Variants in SMIM14 observed in about 807,000 individuals in gnomAD.
SMIM14 encodes the protein chromosome 4 open reading frame 34.
Under a neutral mutation model 12.6 loss-of-function variants are expected in SMIM14, and 5 were observed. The ratio of observed to expected loss-of-function variants is 0.40; its 90% CI spans 0.21 to 0.83. SMIM14 has a LOEUF of 0.83. SMIM14 is among the 40% of genes least tolerant of loss of function. SMIM14 has a pLI of 0.37. For missense variants in SMIM14, 86 were observed against 119.1 expected, an observed-to-expected ratio of 0.72 and a Z score of 1.29; for synonymous variants, 30 against 40.1, an observed-to-expected ratio of 0.75 and a Z score of 0.95.
At chr4:39,552,510 C>A (rs1002480209) in intron 4 of SMIM14, among the ~76,000 whole-genome samples, 5 of 152,276 alleles carry the variant, frequency 3.3e-5, no homozygotes, top group Non-Finnish European at 5.9e-5. Flanking sequence ...ATATCTTCAT[C>A]CCTCTTGCTA....
intron 3 of SMIM14, among the ~76,000 whole-genome samples, chr4:39,566,965 C>G (rs1359412449): frequency 6.7e-6 from 1 of 148,618 alleles, no homozygotes; most frequent in African/African-American, 2.5e-5. Flanking sequence ...GACTCCATCT[C>G]AAAAAAAACA....
At chr4:39,627,998 G>A (rs1478642435) in intron 1 of SMIM14, among the ~76,000 whole-genome samples, 1 of 152,176 alleles carries the variant, frequency 6.6e-6, no homozygotes, top group Non-Finnish European at 1.5e-5. Flanking sequence ...CTGTGTCATG[G>A]AGAGAAAATT....
chr4:39,584,519 G>A (rs1409530853), intron 2 of SMIM14, among the ~76,000 whole-genome samples: 1 of 89,640 alleles, frequency 1.1e-5, no homozygotes, highest in Non-Finnish European at 2.9e-5. Context: ...AAACAGGCTG[G>A]GCGCAGTGGC....
chr4:39,584,488 A>AAAAAAAAAAAAAAAAAAAAAAAAAAAC, intron 2 of SMIM14, among the ~76,000 whole-genome samples: 1 of 133,648 alleles, frequency 7.5e-6, no homozygotes, highest in Non-Finnish European at 1.6e-5. Context: ...TCTCAAAAAA[A>AAAAAAAAAAAAAAAAAAAAAAAAAAAC]AAAAAAAAAA....
intron 2 of SMIM14, among the ~76,000 whole-genome samples, chr4:39,597,601 A>G (rs1454919862): frequency 1.3e-5 from 2 of 151,728 alleles, no homozygotes; most frequent in Non-Finnish European, 2.9e-5. Flanking sequence ...CTGCCACCAC[A>G]CCCAGCTAAT....
intron 2 of SMIM14, among the ~76,000 whole-genome samples, chr4:39,578,010 T>C (rs1713292890): frequency 6.6e-6 from 1 of 152,214 alleles, no homozygotes; most frequent in African/African-American, 2.4e-5. Context: ...CTTAAGGTTT[T>C]TGGCAAAGCA....
At chr4:39,619,901 A>T (rs1715417392) in intron 1 of SMIM14, among the ~76,000 whole-genome samples, 1 of 141,364 alleles carries the variant, frequency 7.1e-6, no homozygotes, top group Admixed American at 7.4e-5. Context: ...AGAGCAAGAT[A>T]GGGACTCACG....
chr4:39,584,793 CAAAAAA>C (rs34970724), intron 2 of SMIM14, among the ~76,000 whole-genome samples: 8 of 76,296 alleles, frequency 1.0e-4, no homozygotes, highest in Middle Eastern at 7.9e-3. Context: ...AGGACCTTGT[CAAAAAA>C]AAAAAAAAAA....
chr4:39,566,888 A>C (rs1712600206), intron 3 of SMIM14, among the ~76,000 whole-genome samples: 1 of 151,906 alleles, frequency 6.6e-6, no homozygotes, highest in Admixed American at 6.6e-5. Flanking sequence ...AATCGCTTGA[A>C]CCTGCGAGGT....
chr4:39,556,106 T>G (rs886614972), intron 4 of SMIM14, among the ~76,000 whole-genome samples: 7 of 150,182 alleles, frequency 4.7e-5, no homozygotes, highest in African/African-American at 1.7e-4. Context: ...GAGGCTTCAG[T>G]GAGCTAAGAT....
intron 2 of SMIM14, among the ~76,000 whole-genome samples, chr4:39,584,205 G>C (rs1321251497): frequency 3.3e-5 from 5 of 151,818 alleles, no homozygotes; most frequent in Non-Finnish European, 5.9e-5. Flanking sequence ...ATTTGGACTA[G>C]GCACAGTGGC....
rs1018233536 is a variant in SMIM14, at chr4:39,606,416, G to A, written c.-35-1236C>T. On this transcript the variant is annotated intron_variant, in intron 1 of 4. Coordinates refer to ENST00000295958, the MANE Select transcript of SMIM14 (RefSeq NM_174921.3). Reference sequence around the variant, plus strand: ...CCAGCACTTTGGGAGGCCGAGGTGGGTGGATCACAAGGTCAGGAGATAGAG... The same window carrying A: ...CCAGCACTTTGGGAGGCCGAGGTGGATGGATCACAAGGTCAGGAGATAGAG... Among the ~76,000 whole-genome samples, 6 of 152,130 alleles carry A rather than the reference G, an allele frequency of 3.9e-5. No individual in the cohort carries two copies. The East Asian group carries it at 1.2e-3, about 29-fold the overall frequency.
intron 2 of SMIM14, among the ~76,000 whole-genome samples, chr4:39,576,658 G>GTATA (rs1390098435): frequency 0.071 from 2,864 of 40,344 alleles, 422 homozygotes; most frequent in Middle Eastern, 0.24. Context: ...GTGTGTGTAT[G>GTATA]TGTATATATA....
At chr4:39,572,564 C>A in intron 2 of SMIM14, 101 bp from the exon 3 acceptor site, 1 of 921,938 alleles carries the variant, frequency 1.1e-6, no homozygotes, top group Non-Finnish European at 1.7e-6. Context: ...TGGCTCACGC[C>A]TGTAATCCCA....
chr4:39,607,350 G>A (rs976198199), intron 1 of SMIM14, among the ~76,000 whole-genome samples: 1 of 152,196 alleles, frequency 6.6e-6, no homozygotes, highest in Non-Finnish European at 1.5e-5. Flanking sequence ...TGGTTAAAAG[G>A]TGGAATAGGC....
chr4:39,634,538 A>T (rs1444449143), intron 1 of SMIM14, among the ~76,000 whole-genome samples: 1 of 152,210 alleles, frequency 6.6e-6, no homozygotes, highest in Non-Finnish European at 1.5e-5. Flanking sequence ...TGTAACAGTA[A>T]TTTTTAGCAT....
intron 1 of SMIM14, among the ~76,000 whole-genome samples, chr4:39,609,543 A>T (rs1400121944): frequency 6.6e-6 from 1 of 152,156 alleles, no homozygotes; most frequent in Non-Finnish European, 1.5e-5. Flanking sequence ...AAGGTCCTTT[A>T]TGAGTAAGAG....
At chr4:39,618,257 A>G (rs557413364) in intron 1 of SMIM14, among the ~76,000 whole-genome samples, 3 of 152,318 alleles carry the variant, frequency 2.0e-5, no homozygotes, top group East Asian at 1.9e-4. Context: ...AATGCATTCA[A>G]TCGAGCCCAA....
intron 3 of SMIM14, among the ~76,000 whole-genome samples, chr4:39,569,444 G>A (rs1341904730): frequency 6.6e-6 from 1 of 152,160 alleles, no homozygotes; most frequent in African/African-American, 2.4e-5. Context: ...TAAACAGGCA[G>A]CTCTGCTTCA....
Sources: allele counts gnomAD v4.1 joint callset (sites outside exome capture counted in the v4.1 genomes callset), GRCh38; gene constraint gnomAD v4.1.1; transcripts MANE v1.5; gene names NCBI Gene and HGNC (gene_info 2026-07-23, HGNC 2026-07-21).